KIAA1549: variants seen among roughly 807,000 people sequenced by gnomAD.
KIAA1549 encodes the protein KIAA1549.
In KIAA1549, 70 loss-of-function variants were observed where a neutral mutation model predicts 156.4. That is an observed-to-expected ratio of 0.45 (90% CI 0.37 to 0.55). The LOEUF (loss-of-function observed/expected upper bound fraction) is 0.55. KIAA1549 is among the 20% of genes least tolerant of loss of function. The probability of loss-of-function intolerance (pLI) is 0.00; values close to 1 mark genes in which losing one functional copy is unlikely to be tolerated. For missense variants in KIAA1549, 2,428 were observed against 2,540.9 expected (o/e 0.96, Z 0.96); for synonymous variants, 1,103 against 1,066.4 (o/e 1.03, Z -0.67).
At chr7:138,880,026 G>A (rs1040615767) in intron 11 of KIAA1549, among the ~76,000 whole-genome samples, 3 of 152,186 alleles carry the variant, frequency 2.0e-5, no homozygotes, top group Non-Finnish European at 2.9e-5. Flanking sequence ...TGGGGTTCAC[G>A]ATTAACTAGG....
intron 15 of KIAA1549, among the ~76,000 whole-genome samples, chr7:138,863,718 G>A (rs573133456): frequency 6.6e-6 from 1 of 152,168 alleles, no homozygotes; most frequent in East Asian, 1.9e-4. Flanking sequence ...GCCCTCGTGG[G>A]ATGGGGTAGG....
At chr7:138,900,844 C>T (rs971688036) in intron 8 of KIAA1549, among the ~76,000 whole-genome samples, 6 of 152,364 alleles carry the variant, frequency 3.9e-5, no homozygotes, top group South Asian at 2.1e-4. Context: ...CTGCGGCCCT[C>T]GCCATGACAC....
chr7:138,883,594 G>C (rs918004666), intron 10 of KIAA1549, among the ~76,000 whole-genome samples: 1 of 152,136 alleles, frequency 6.6e-6, no homozygotes, highest in Non-Finnish European at 1.5e-5. Context: ...TAGGATTACA[G>C]GTGTGAGCCA....
intron 1 of KIAA1549, among the ~76,000 whole-genome samples, chr7:138,959,476 C>T (rs1389204602): frequency 6.6e-6 from 1 of 152,106 alleles, no homozygotes; most frequent in Non-Finnish European, 1.5e-5. Flanking sequence ...GACAAAGGGT[C>T]TTTATGTTTA....
chr7:138,943,623 GT>G (rs757752634), intron 1 of KIAA1549, among the ~76,000 whole-genome samples: 5 of 152,176 alleles, frequency 3.3e-5, no homozygotes, highest in Admixed American at 6.5e-5. Flanking sequence ...GCCAAGGCGG[GT>G]GGATCACAAG....
intron 1 of KIAA1549, among the ~76,000 whole-genome samples, chr7:138,956,170 T>G (rs1563092844): frequency 1.3e-5 from 2 of 152,162 alleles, no homozygotes; most frequent in Non-Finnish European, 2.9e-5. Context: ...AGCACTGGGT[T>G]TAAAATGACA....
chr7:138,950,104 T>C (rs1226922314), intron 1 of KIAA1549, among the ~76,000 whole-genome samples: 1 of 152,166 alleles, frequency 6.6e-6, no homozygotes, highest in African/African-American at 2.4e-5. Context: ...CTGGGGATGG[T>C]AGTAACTGGA....
intron 16 of KIAA1549, among the ~76,000 whole-genome samples, chr7:138,854,570 TAGC>T (rs759459639): frequency 5.9e-5 from 9 of 151,620 alleles, no homozygotes; most frequent in Non-Finnish European, 8.8e-5. Flanking sequence ...AAAAAGCAAA[TAGC>T]AGCAAATAAG....
intron 1 of KIAA1549, among the ~76,000 whole-genome samples, chr7:138,972,079 G>A (rs1267095826): frequency 3.3e-5 from 5 of 152,086 alleles, no homozygotes; most frequent in African/African-American, 1.2e-4. Context: ...TGGTGGCAGC[G>A]ATGGTACAGC....
At chr7:138,966,454 T>C (rs1814028533) in intron 1 of KIAA1549, among the ~76,000 whole-genome samples, 1 of 152,000 alleles carries the variant, frequency 6.6e-6, no homozygotes, top group Non-Finnish European at 1.5e-5. Context: ...ATCCCAAGGT[T>C]CCACAACAAG....
intron 1 of KIAA1549, among the ~76,000 whole-genome samples, chr7:138,978,641 G>A (rs1368926116): frequency 6.6e-6 from 1 of 152,218 alleles, no homozygotes; most frequent in Non-Finnish European, 1.5e-5. Flanking sequence ...TGAAGGAGGA[G>A]ATAGCTTTCA....
intron 1 of KIAA1549, among the ~76,000 whole-genome samples, chr7:138,955,897 G>C (rs936672491): frequency 4.6e-5 from 7 of 152,024 alleles, no homozygotes; most frequent in Admixed American, 3.3e-4. Context: ...TTGTTTTTTG[G>C]GGGGTGGGGT....
Position 138,832,768 on chromosome 7 carries a change from G to A in KIAA1549, c.*5138C>T, listed in dbSNP as rs1809575896. 4.5e-6 allele frequency: 1 copy of A among 221,758 alleles called. No homozygotes were observed. The highest frequency in any genetic ancestry group is 9.0e-6 in the Non-Finnish European group (1 of 111,084). 13.7% of individuals were successfully genotyped at this position (221,758 alleles called of 1,614,324 possible). On this transcript the variant is annotated 3_prime_UTR_variant, in exon 20 of 20. Transcript: ENST00000422774. The stretch of plus-strand genomic sequence containing the variant: ...TGTCACACACACAAGCATGGACTTA[G>A]CAATGTACCATGATGTTGCGATTTC...
chr7:138,960,208 G>A (rs1056445612), intron 1 of KIAA1549, among the ~76,000 whole-genome samples: 5 of 152,086 alleles, frequency 3.3e-5, no homozygotes, highest in African/African-American at 1.2e-4. Context: ...GGCTGAGGCA[G>A]GAGGATCACT....
chr7:138,930,004 A>T (rs1563082481), intron 1 of KIAA1549, among the ~76,000 whole-genome samples: 1 of 152,208 alleles, frequency 6.6e-6, no homozygotes, highest in East Asian at 1.9e-4. Context: ...ATATAGTAAG[A>T]CTTGAAAGTC....
intron 1 of KIAA1549, among the ~76,000 whole-genome samples, chr7:138,978,711 C>G (rs991344855): frequency 6.6e-6 from 1 of 152,178 alleles, no homozygotes; most frequent in African/African-American, 2.4e-5. Flanking sequence ...CTAAGCCATG[C>G]CATTTTCTGA....
chr7:138,962,421 T>C (rs1209487149), intron 1 of KIAA1549, among the ~76,000 whole-genome samples: 1 of 152,138 alleles, frequency 6.6e-6, no homozygotes, highest in Non-Finnish European at 1.5e-5. Context: ...TCCTGCCCCT[T>C]GTGGACTAGT....
intron 18 of KIAA1549, among the ~76,000 whole-genome samples, chr7:138,841,390 T>C (rs971413249): frequency 2.0e-5 from 3 of 152,202 alleles, no homozygotes; most frequent in Admixed American, 1.3e-4. Context: ...GGTGAGCTGA[T>C]GGCAGAGCCA....
At chr7:138,883,522 G>A (rs1811309857) in intron 10 of KIAA1549, among the ~76,000 whole-genome samples, 1 of 151,848 alleles carries the variant, frequency 6.6e-6, no homozygotes, top group Admixed American at 6.6e-5. Flanking sequence ...TCACTATGTT[G>A]CCCAGGCTGG....
Sources: allele counts gnomAD v4.1 joint callset (sites outside exome capture counted in the v4.1 genomes callset), GRCh38; gene constraint gnomAD v4.1.1; transcripts MANE v1.5; gene names NCBI Gene and HGNC (gene_info 2026-07-23, HGNC 2026-07-21).